The following WRN variants were observed in gnomAD, a reference collection of about 807,000 sequenced individuals.
WRN encodes the protein WRN RecQ like helicase.
A neutral mutation model predicts 180.7 loss-of-function variants in WRN; 149 were observed. That is an observed-to-expected ratio of 0.82 (90% CI 0.72 to 0.94). The LOEUF (loss-of-function observed/expected upper bound fraction) is 0.94, where lower values mean the gene tolerates loss of function less well. Among genes scored for constraint, WRN ranks in the 40% least tolerant of loss-of-function variants. WRN has a pLI of 0.00. For missense variants in WRN, 1,661 were observed against 1,700.1 expected (o/e 0.98, Z 0.40); for synonymous variants, 548 against 568.9 (o/e 0.96, Z 0.52).
chr8:31,128,273 T>A (rs1478943414), intron 23 of WRN, among the ~76,000 whole-genome samples: 1 of 152,100 alleles, frequency 6.6e-6, no homozygotes, highest in Non-Finnish European at 1.5e-5. Context: ...AGTTTGCTTA[T>A]TACTATTTAT....
At position 31,087,885 on chromosome 8, in the gene WRN, A is replaced by G; in HGVS notation, c.1541A>G (p.Asn514Ser). ...PTKEEEEDDE[N>S]EANEGEEDDD... ...AAAGAAGAAGAAGAAGATGATGAAA[A>G]TGAAGCTAATGAAGGGGAAGAAGAT... The change falls in exon 12 of 35, where the codon AAT becomes AGT. Residue 514 changes from asparagine to serine, a missense_variant. Asn to Ser is a conservative substitution (Grantham distance 46, BLOSUM62 1). Transcript: ENST00000298139. 1 of 1,613,654 alleles carries G rather than the reference A, an allele frequency of 6.2e-7. No homozygotes were observed. The highest frequency in any genetic ancestry group is 2.2e-5 in the East Asian group (1 of 44,854).
At chr8:31,125,299 C>T (rs187812423) in intron 23 of WRN, among the ~76,000 whole-genome samples, 131 of 150,858 alleles carry the variant, frequency 8.7e-4, no homozygotes, top group African/African-American at 2.9e-3. Flanking sequence ...CTGTTCTGTA[C>T]GTTGTCCACA....
chr8:31,083,936 A>G (rs1418963116), intron 10 of WRN, among the ~76,000 whole-genome samples, 157 bp downstream of exon 10: 1 of 152,138 alleles, frequency 6.6e-6, no homozygotes, highest in East Asian at 1.9e-4. Context: ...TGTTTCTTTC[A>G]TGTAGTCTAT....
At chr8:31,078,382 A>G (rs915725081) in intron 8 of WRN, among the ~76,000 whole-genome samples, 2 of 152,200 alleles carry the variant, frequency 1.3e-5, no homozygotes, top group Non-Finnish European at 2.9e-5. Context: ...AAATAATGCT[A>G]TAAGCATGTA....
At chr8:31,158,836 G>A (rs1236445207) in intron 33 of WRN, among the ~76,000 whole-genome samples, 1 of 152,140 alleles carries the variant, frequency 6.6e-6, no homozygotes, top group Non-Finnish European at 1.5e-5. Context: ...GCAAGTTGGA[G>A]TAGTGCTCAT....
Position 31,120,311 on chromosome 8 carries a change from C to T in WRN, c.2517C>T (p.Tyr839=), listed in dbSNP as rs779314628. Residue 839 remains tyrosine (Y), a synonymous_variant, in exon 21 of 35, where the codon TAC becomes TAT. Coordinates refer to ENST00000298139, the MANE Select transcript of WRN (RefSeq NM_000553.6). ...CTGACATTCGCCAAGTCATTCATTACGGTGCTCCTAAGGACATGGAATCAT... is the reference window on the plus strand; with the variant it reads ...CTGACATTCGCCAAGTCATTCATTATGGTGCTCCTAAGGACATGGAATCAT... ...NKADIRQVIH[Y]GAPKDMESYY... is the part of the protein sequence containing the mutation. 1.7e-5 allele frequency: 28 copies of T among 1,612,912 alleles called. No homozygotes were observed. Among genetic ancestry groups the T allele is most frequent in the South Asian group, 3.3e-5 (3 of 91,060 alleles).
At chr8:31,147,539 A>T in intron 30 of WRN, 63 bp downstream of exon 30, 2 of 1,455,638 alleles carry the variant, frequency 1.4e-6, no homozygotes, top group South Asian at 2.4e-5. Flanking sequence ...TGGAAAATAT[A>T]TCTAAGTTGA....
intron 18 of WRN, among the ~76,000 whole-genome samples, chr8:31,103,776 C>T (rs901345942): frequency 8.6e-5 from 13 of 151,792 alleles, no homozygotes; most frequent in African/African-American, 2.9e-4. Flanking sequence ...GTTCTGTCAC[C>T]CTGGCTGGAA....
intron 1 of WRN, among the ~76,000 whole-genome samples, chr8:31,048,674 C>G (rs1392114612): frequency 6.6e-6 from 1 of 152,100 alleles, no homozygotes; most frequent in African/African-American, 2.4e-5. Context: ...ATTGCGCTTT[C>G]TGTTAAAAAT....
At chr8:31,089,668 G>A (rs947088374) in intron 13 of WRN, among the ~76,000 whole-genome samples, 11 of 151,884 alleles carry the variant, frequency 7.2e-5, no homozygotes, top group African/African-American at 2.4e-4. Flanking sequence ...ACTTAGTTAA[G>A]AATAGGTCAG....
intron 17 of WRN, 64 bp from the exon 18 acceptor site, chr8:31,100,785 A>G: frequency 7.6e-7 from 1 of 1,321,816 alleles, no homozygotes; most frequent in Non-Finnish European, 1.1e-6. Flanking sequence ...TTGGAGATGT[A>G]GATGAGTTTA....
chr8:31,174,715 T>TCTTC lies in WRN; in HGVS notation c.*1624_*1627dup, dbSNP rs749034247. ...GATTCTTCTTCTTCTCCTTCTTCCT[T>TCTTC]CTTCCTTCCTTCCTCCTCCTCCTCC... On this transcript the variant is annotated 3_prime_UTR_variant, in exon 35 of 35. Coordinates refer to ENST00000298139, the MANE Select transcript of WRN (RefSeq NM_000553.6). Among the ~76,000 whole-genome samples the TCTTC allele has an allele frequency of 2.0e-5, 3 of 151,688 alleles. No individual in the cohort carries two copies. Among genetic ancestry groups the TCTTC allele is most frequent in the East Asian group, 3.9e-4 (2 of 5,138 alleles).
intron 1 of WRN, among the ~76,000 whole-genome samples, chr8:31,039,407 T>C (rs1811565808): frequency 6.6e-6 from 1 of 152,174 alleles, no homozygotes; most frequent in South Asian, 2.1e-4. Flanking sequence ...ATTTCAACGT[T>C]GATGTTGTAC....
chr8:31,158,114 A>T (rs1585537746), intron 33 of WRN, among the ~76,000 whole-genome samples: 1 of 151,860 alleles, frequency 6.6e-6, no homozygotes, highest in African/African-American at 2.4e-5. Flanking sequence ...TTTTTTTTCT[A>T]ATTTCTATCT....
At chr8:31,124,851 G>T in intron 22 of WRN, 57 bp from the exon 23 acceptor site, 1 of 1,509,122 alleles carries the variant, frequency 6.6e-7, no homozygotes, top group South Asian at 1.1e-5. Flanking sequence ...TTTCAGGAAT[G>T]AACTTAACAT....
At chr8:31,074,089 T>A (rs1249917618) in intron 7 of WRN, among the ~76,000 whole-genome samples, 6 of 151,682 alleles carry the variant, frequency 4.0e-5, no homozygotes, top group Non-Finnish European at 8.8e-5. Context: ...GCTAATTTTT[T>A]TTTTTTTTTG....
chr8:31,137,226 G>A (rs1487668272), intron 24 of WRN, among the ~76,000 whole-genome samples: 1 of 152,028 alleles, frequency 6.6e-6, no homozygotes. Flanking sequence ...ATAGTACACA[G>A]TTTTTATAGT....
At chr8:31,059,043 G>T in intron 2 of WRN, 110 bp from the exon 3 acceptor site, 1 of 855,980 alleles carries the variant, frequency 1.2e-6, no homozygotes, top group South Asian at 1.4e-5. Flanking sequence ...AACATTAATT[G>T]ATAAAACTTA....
chr8:31,147,534 A>T, intron 30 of WRN, 58 bp downstream of exon 30: 1 of 1,499,140 alleles, frequency 6.7e-7, no homozygotes, highest in Non-Finnish European at 9.2e-7. Flanking sequence ...AGATTTGGAA[A>T]ATATATCTAA....
Sources: gnomAD v4.1 joint callset for allele counts (sites outside exome capture counted in the v4.1 genomes callset) on GRCh38, gnomAD v4.1.1 for gene constraint, MANE v1.5 for transcripts, NCBI Gene and HGNC (gene_info 2026-07-23, HGNC 2026-07-21) for gene names.